Variants in FRMD3 observed in about 807,000 individuals in gnomAD.
FRMD3 encodes the protein FERM domain-containing protein 3.
Under a neutral mutation model 70.2 loss-of-function variants are expected in FRMD3, and 33 were observed. The observed-to-expected ratio is 0.47, with a 90% CI of 0.36 to 0.63. The LOEUF is 0.63. Among genes scored for constraint, FRMD3 ranks in the 20% least tolerant of loss-of-function variants. FRMD3 has a pLI of 0.00. For missense variants in FRMD3, 632 were observed against 711.4 expected, an observed-to-expected ratio of 0.89 and a Z score of 1.27; for synonymous variants, 279 against 255.9, an observed-to-expected ratio of 1.09 and a Z score of -0.86.
At chr9:83,287,246 G>T (rs1834255356) in intron 13 of FRMD3, among the ~76,000 whole-genome samples, 1 of 152,286 alleles carries the variant, frequency 6.6e-6, no homozygotes, top group East Asian at 1.9e-4. Context: ...AGTATCTGGA[G>T]ACATTTTTGG....
intron 13 of FRMD3, among the ~76,000 whole-genome samples, chr9:83,278,341 C>A (rs1474749755): frequency 1.3e-5 from 2 of 152,030 alleles, no homozygotes; most frequent in African/African-American, 4.8e-5. Context: ...GCTCCACTTA[C>A]CAAAATAATC....
intron 1 of FRMD3, among the ~76,000 whole-genome samples, chr9:83,457,967 C>A: frequency 8.0e-6 from 1 of 125,250 alleles, no homozygotes. Context: ...AAATAAGTAA[C>A]CATGAAAAAA....
the FRMD3 span, among the ~76,000 whole-genome samples, chr9:83,558,345 T>C: frequency 1.6e-4 from 24 of 152,198 alleles, no homozygotes; most frequent in Non-Finnish European, 3.1e-4. Context: ...TATTAGGGAT[T>C]GAAAGCAAAA....
chr9:83,333,528 C>A (rs1412445993), intron 6 of FRMD3, among the ~76,000 whole-genome samples: 1 of 152,236 alleles, frequency 6.6e-6, no homozygotes, highest in Non-Finnish European at 1.5e-5. Context: ...GTGATTCACT[C>A]ATTTTCTCAT....
intron 1 of FRMD3, among the ~76,000 whole-genome samples, chr9:83,493,460 C>A (rs546092557): frequency 2.6e-5 from 4 of 152,344 alleles, no homozygotes; most frequent in East Asian, 1.9e-4. Flanking sequence ...GCTAACCTGG[C>A]GCTTCCCAAA....
intron 3 of FRMD3, among the ~76,000 whole-genome samples, chr9:83,363,644 C>A (rs888470890): frequency 1.3e-5 from 2 of 151,584 alleles, no homozygotes; most frequent in African/African-American, 4.8e-5. Context: ...GGCTCCGCCC[C>A]CCGGGGTTCA....
At chr9:83,321,301 T>A (rs1835791981) in intron 6 of FRMD3, among the ~76,000 whole-genome samples, 1 of 152,200 alleles carries the variant, frequency 6.6e-6, no homozygotes, top group Non-Finnish European at 1.5e-5. Context: ...TCTACTTTTT[T>A]GATGTAGGCG....
Position 83,450,675 on chromosome 9 carries a change from A to C in FRMD3, c.148-60967T>G, listed in dbSNP as rs905754876. Among the ~76,000 whole-genome samples the C allele has an allele frequency of 5.9e-5, 9 of 152,204 alleles. No individual in the cohort carries two copies. In the East Asian group the frequency reaches 1.5e-3, roughly 26 times the overall value. ...GAAAGGGAAGGCTCTGACTCCAGGA[A>C]GATGGCAGGGCTGGAGTCTCCATGC... On this transcript the variant is annotated intron_variant, in intron 1 of 13. Coordinates refer to ENST00000304195, the MANE Select transcript of FRMD3 (RefSeq NM_174938.6).
the FRMD3 span, among the ~76,000 whole-genome samples, chr9:83,552,249 CTTG>C: frequency 6.6e-6 from 1 of 152,084 alleles, no homozygotes; most frequent in South Asian, 2.1e-4. Flanking sequence ...CATTCAGGGG[CTTG>C]TTGTTTAATT....
chr9:83,390,314 C>T lies in FRMD3; in HGVS notation c.148-606G>A, dbSNP rs2131298305. 2.0e-5 allele frequency among the ~76,000 whole-genome samples: 3 copies of T among 152,318 alleles called. No individual in the cohort carries two copies. In the South Asian group the frequency reaches 6.2e-4, roughly 32 times the overall value. On this transcript the variant is annotated intron_variant, in intron 1 of 13. Transcript: ENST00000304195. The stretch of plus-strand genomic sequence containing the variant: ...TGACCCCCTGGAGCAATCACGAGTC[C>T]ACTGCAGCTCTGCCAGGAGGCAGCA...
At chr9:83,313,599 G>A (rs1835447315) in intron 7 of FRMD3, 61 bp downstream of exon 7, 2 of 1,357,954 alleles carry the variant, frequency 1.5e-6, no homozygotes, top group South Asian at 2.3e-5. Flanking sequence ...CCTGCGCACA[G>A]ATAAACTCTC....
chr9:83,279,208 G>A (rs905282049), intron 13 of FRMD3: 3 of 152,174 alleles, frequency 2.0e-5, no homozygotes, highest in Non-Finnish European at 2.9e-5. Flanking sequence ...TGAGGATTTT[G>A]AAAGTTCCCA....
intron 1 of FRMD3, among the ~76,000 whole-genome samples, chr9:83,493,511 T>A (rs1413938362): frequency 6.6e-6 from 1 of 152,214 alleles, no homozygotes; most frequent in Admixed American, 6.5e-5. Context: ...AACCTTACAG[T>A]TGATACCTAT....
rs776379498 is a variant in FRMD3 at position 83,248,029 on chromosome 9, T to G, written c.1683A>C (p.Glu561Asp). 3.1e-6 allele frequency: 5 copies of G among 1,614,122 alleles called. No homozygotes were observed. The highest frequency in any genetic ancestry group is 4.2e-6 in the Non-Finnish European group (5 of 1,180,028). Residue 561 changes from glutamate (E) to aspartate (D), a missense_variant, in exon 14 of 14, where the codon GAA becomes GAC. Around this residue, in one of 3 missense-constraint regions of FRMD3, gnomAD observed 418 missense variants for 442.1 expected, o/e 0.95. Transcript: ENST00000304195. Reference protein sequence around the residue: ...ESGIDLSFLCEIRQTPEFEQF... With the variant: ...ESGIDLSFLCDIRQTPEFEQF... The stretch of plus-strand genomic sequence containing the variant: ...GCTCAAACTCTGGTGTCTGGCGGAT[T>G]TCGCATAAGAAGGAGAGATCAATAC...
Position 83,314,330 on chromosome 9 carries a change from C to T in FRMD3, c.597-583G>A, listed in dbSNP as rs145842902. On this transcript the variant is annotated intron_variant, in intron 6 of 13. Coordinates refer to ENST00000304195, the MANE Select transcript of FRMD3 (RefSeq NM_174938.6). ...AAAGGGCTGCAAATATAGATGACCG[C>T]GAAGCCCTTTCAGGGCTAACATCTA... 2.4e-3 allele frequency among the ~76,000 whole-genome samples: 364 copies of T among 152,256 alleles called. 1 individual carries two copies. Among genetic ancestry groups the T allele is most frequent in the African/African-American group, 8.4e-3 (349 of 41,544 alleles).
intron 1 of FRMD3, among the ~76,000 whole-genome samples, chr9:83,448,575 G>T (rs56232497): frequency 6.6e-6 from 1 of 152,082 alleles, no homozygotes; most frequent in East Asian, 1.9e-4. Context: ...GCACCAGCTC[G>T]GTTTCCAAAG....
chr9:83,247,871 A>G lies in FRMD3; in HGVS notation c.*47T>C, dbSNP rs780421738. ...GAACCAGGCATTTGCTGAAAAAAAG[A>G]AATCACTAGCATTGAATATAGCCCT... On this transcript the variant is annotated 3_prime_UTR_variant, in exon 14 of 14. Coordinates refer to ENST00000304195, the MANE Select transcript of FRMD3 (RefSeq NM_174938.6). The G allele has an allele frequency of 4.2e-5, 67 of 1,581,212 alleles. No homozygotes were observed. In the Middle Eastern group the frequency reaches 5.2e-4, roughly 12 times the overall value.
At chr9:83,332,544 T>C (rs904446947) in intron 6 of FRMD3, among the ~76,000 whole-genome samples, 4 of 152,136 alleles carry the variant, frequency 2.6e-5, no homozygotes, top group Admixed American at 6.5e-5. Flanking sequence ...TGACTTTTTT[T>C]CCTCTCTCAG....
intron 3 of FRMD3, among the ~76,000 whole-genome samples, chr9:83,350,009 T>C (rs1824092946): frequency 6.6e-6 from 1 of 152,154 alleles, no homozygotes; most frequent in Non-Finnish European, 1.5e-5. Context: ...AGTGAGCTCA[T>C]TTTTCCACAT....
Sources: gnomAD v4.1 joint callset for allele counts (sites outside exome capture counted in the v4.1 genomes callset) on GRCh38, gnomAD v4.1.1 for gene constraint, gnomAD v4.1.1 regional missense constraint, MANE v1.5 for transcripts, NCBI Gene and HGNC (gene_info 2026-07-23, HGNC 2026-07-21) for gene names.